Variants in VDR observed in about 807,000 individuals in gnomAD.
VDR encodes the protein vitamin D3 receptor.
VDR carries 19 observed loss-of-function variants against 39.7 expected under a neutral mutation model. The ratio of observed to expected loss-of-function variants is 0.48; its 90% CI spans 0.33 to 0.70. The LOEUF (loss-of-function observed/expected upper bound fraction) is 0.70, where lower values mean the gene tolerates loss of function less well. Among genes scored for constraint, VDR ranks in the 30% least tolerant of loss-of-function variants. The pLI is 0.02. For missense variants in VDR, 442 were observed against 570.5 expected (o/e 0.77, Z 2.29); for synonymous variants, 242 against 215.8 (o/e 1.12, Z -1.07).
chr12:47,866,221 C>T (rs902909429), intron 3 of VDR, among the ~76,000 whole-genome samples: 10 of 151,968 alleles, frequency 6.6e-5, no homozygotes, highest in African/African-American at 2.4e-4. Context: ...CGTTCTCCTG[C>T]CTCAGCCTCC....
intron 6 of VDR, 25 bp downstream of exon 6, chr12:47,857,104 T>C: frequency 1.2e-6 from 2 of 1,613,706 alleles, no homozygotes; most frequent in Non-Finnish European, 1.7e-6. Context: ...TCCCTTACTC[T>C]ATGGAGGACT....
chr12:47,847,280 C>T (rs771494419), intron 7 of VDR, among the ~76,000 whole-genome samples: 1 of 152,118 alleles, frequency 6.6e-6, no homozygotes, highest in Non-Finnish European at 1.5e-5. Flanking sequence ...ATTCCCACTC[C>T]TACCAGGAGT....
rs115915309 is a variant in VDR, at chr12:47,890,621, G to A, written c.-83-7847C>T. ...CTCCTCATTGGTTATGGCTTAGCAC[G>A]GTTCCTCCCCACAAGTCCTTACTAA... On this transcript the variant is annotated intron_variant, in intron 1 of 9. Coordinates refer to ENST00000549336, the MANE Select transcript of VDR (RefSeq NM_000376.3). Among the ~76,000 whole-genome samples, 101 of 152,048 alleles carry A rather than the reference G, an allele frequency of 6.6e-4. 1 individual carries two copies. Among genetic ancestry groups the A allele is most frequent in the African/African-American group, 2.0e-3 (81 of 41,484 alleles).
intron 1 of VDR, among the ~76,000 whole-genome samples, chr12:47,883,359 C>T (rs1946195947): frequency 6.6e-6 from 1 of 152,132 alleles, no homozygotes; most frequent in South Asian, 2.1e-4. Context: ...TCTGTGGAGA[C>T]CGGGTGTAGG....
rs1025532401 is a variant in VDR at position 47,882,789 on chromosome 12, G to A, written c.-83-15C>T. Reference sequence around the variant, plus strand: ...CCCAAAGGCTTCTGAAATGAAGAAGGGGAAACCTTTTATCTAAGGCGGAGC... The same window carrying A: ...CCCAAAGGCTTCTGAAATGAAGAAGAGGAAACCTTTTATCTAAGGCGGAGC... On this transcript the variant is annotated splice_polypyrimidine_tract_variant and intron_variant, in intron 1 of 9. Coordinates refer to ENST00000549336, the MANE Select transcript of VDR (RefSeq NM_000376.3). 5.2e-6 allele frequency: 8 copies of A among 1,533,510 alleles called. No individual in the cohort carries two copies. In the Admixed American group the frequency reaches 1.4e-4, roughly 26 times the overall value. 95.0% of individuals were successfully genotyped at this position (1,533,510 alleles called of 1,614,324 possible). A position where few individuals can be genotyped will look rare whatever the true frequency, so the allele number is the denominator to read the frequency against.
chr12:47,868,765 CTT>C (rs5798048), intron 3 of VDR, among the ~76,000 whole-genome samples: 207 of 144,092 alleles, frequency 1.4e-3, no homozygotes, highest in South Asian at 1.8e-3. Context: ...CTCTCATTTC[CTT>C]TTTTTTTTTT....
intron 3 of VDR, among the ~76,000 whole-genome samples, chr12:47,866,833 T>C (rs1179889616): frequency 6.6e-6 from 1 of 151,102 alleles, no homozygotes; most frequent in Admixed American, 6.6e-5. Flanking sequence ...CTACTAAAAA[T>C]ACAAAAATTA....
intron 4 of VDR, among the ~76,000 whole-genome samples, chr12:47,859,493 G>C (rs972658354): frequency 1.1e-4 from 16 of 152,140 alleles, no homozygotes; most frequent in African/African-American, 3.6e-4. Context: ...CTAGGTGCCC[G>C]TCCAGCTGGG....
intron 1 of VDR, among the ~76,000 whole-genome samples, chr12:47,897,439 A>T (rs1946482630): frequency 6.6e-6 from 1 of 152,188 alleles, no homozygotes. Flanking sequence ...AGCCAAAGTG[A>T]GGCCCAGGGC....
At chr12:47,866,086 A>T (rs1392309184) in intron 3 of VDR, among the ~76,000 whole-genome samples, 1 of 151,192 alleles carries the variant, frequency 6.6e-6, no homozygotes, top group Non-Finnish European at 1.5e-5. Flanking sequence ...AACAGGAAAT[A>T]ACAAAAGTGC....
rs554485249 is a variant in VDR, at chr12:47,848,550, T to C, written c.756-1742A>G. 5.0e-5 allele frequency among the ~76,000 whole-genome samples: 7 copies of C among 139,392 alleles called. 1 individual carries two copies. The South Asian group carries it at 1.6e-3, about 32-fold the overall frequency. 91.4% of individuals were successfully genotyped at this position (139,392 alleles called of 152,430 possible). A position where few individuals can be genotyped will look rare whatever the true frequency, so the allele number is the denominator to read the frequency against. On this transcript the variant is annotated intron_variant, in intron 7 of 9. Coordinates refer to ENST00000549336, the MANE Select transcript of VDR (RefSeq NM_000376.3). Reference sequence around the variant, plus strand: ...TTCTGCTCTTTACATGCTTGTTTTCTACTCCTTTTTTTTTTTTTTTTTTTT... The same window carrying C: ...TTCTGCTCTTTACATGCTTGTTTTCCACTCCTTTTTTTTTTTTTTTTTTTT...
Position 47,846,817 on chromosome 12 carries a change from G to A in VDR, c.756-9C>T, listed in dbSNP as rs1195675438. 14 of 1,614,022 alleles carry A rather than the reference G, an allele frequency of 8.7e-6. No homozygotes were observed. In the Admixed American group the frequency reaches 2.0e-4, roughly 23 times the overall value. ...CCTCAGAGGTGAGGTCTCTGCAGGGGAGGGAGGGAAGGAGGTCAGGTTACC... is the reference window on the plus strand; with the variant it reads ...CCTCAGAGGTGAGGTCTCTGCAGGGAAGGGAGGGAAGGAGGTCAGGTTACC... On this transcript the variant is annotated splice_polypyrimidine_tract_variant and intron_variant, in intron 7 of 9. Coordinates refer to ENST00000549336, the MANE Select transcript of VDR (RefSeq NM_000376.3).
Position 47,882,712 on chromosome 12 carries a change from G to A in VDR, c.-21C>T. 6.5e-7 allele frequency: 1 copy of A among 1,529,712 alleles called. No homozygotes were observed. Among genetic ancestry groups the A allele is most frequent in the East Asian group, 2.5e-5 (1 of 40,390 alleles). The allele number at this position is 1,529,712 out of a possible 1,614,324, so 94.8% of individuals were successfully genotyped here. ...CACCTACCTGAAGGAGCAGGGGGCA[G>A]GTAAGTGGAGCCCAGGGGTGCTCTT... On this transcript the variant is annotated 5_prime_UTR_variant, in exon 2 of 10. Coordinates refer to ENST00000549336, the MANE Select transcript of VDR (RefSeq NM_000376.3).
intron 1 of VDR, among the ~76,000 whole-genome samples, chr12:47,887,581 T>C (rs1946281821): frequency 6.6e-6 from 1 of 152,210 alleles, no homozygotes; most frequent in African/African-American, 2.4e-5. Flanking sequence ...TTGATCATGA[T>C]CCCCACAAGA....
In VDR at chr12:47,855,271, T is replaced by C. The variant is rs552223803; in HGVS notation, c.755+359A>G. On this transcript the variant is annotated intron_variant, in intron 7 of 9. Coordinates refer to ENST00000549336, the MANE Select transcript of VDR (RefSeq NM_000376.3). ...TGAACCCGGGAGGCGGAGGTTATAGTGAGCCAAGATAGTGCCACTGCACTC... is the reference window on the plus strand; with the variant it reads ...TGAACCCGGGAGGCGGAGGTTATAGCGAGCCAAGATAGTGCCACTGCACTC... Among the ~76,000 whole-genome samples the C allele has an allele frequency of 3.4e-4, 52 of 152,062 alleles. 1 individual carries two copies. In the South Asian group the frequency reaches 0.01, roughly 30 times the overall value.
At chr12:47,850,068 C>G (rs769880761) in intron 7 of VDR, among the ~76,000 whole-genome samples, 2 of 152,198 alleles carry the variant, frequency 1.3e-5, no homozygotes, top group Non-Finnish European at 2.9e-5. Context: ...CCAGGCTGCT[C>G]TTGAATCCTG....
intron 3 of VDR, among the ~76,000 whole-genome samples, chr12:47,871,844 G>A (rs947305986): frequency 3.9e-5 from 6 of 152,222 alleles, no homozygotes; most frequent in Non-Finnish European, 5.9e-5. Context: ...ATGCTGAAAT[G>A]GGAATGAGCT....
rs1023071686 is a variant in VDR at position 47,857,590 on chromosome 12, C to T, written c.376G>A (p.Glu126Lys). The T allele has an allele frequency of 3.1e-6, 5 of 1,614,242 alleles. No homozygotes were observed. The highest frequency in any genetic ancestry group is 3.3e-5 in the Admixed American group (2 of 60,032). Residue 126 changes from glutamate (E) to lysine (K), a missense_variant, in exon 5 of 10, where the codon GAG becomes AAG. Coordinates refer to ENST00000549336, the MANE Select transcript of VDR (RefSeq NM_000376.3). ...ATGGCAATGATGCGCTGCTGCTCCTCAGACAGCTTGGGCCGCAGACTGTCC... is the reference window on the plus strand; with the variant it reads ...ATGGCAATGATGCGCTGCTGCTCCTTAGACAGCTTGGGCCGCAGACTGTCC... ...LKDSLRPKLS[E>K]EQQRIIAILL...
Position 47,843,953 on chromosome 12 carries a change from A to T in VDR, c.*793T>A, listed in dbSNP as rs11574125. 917 of 38,468 alleles carry T rather than the reference A, an allele frequency of 0.024. 12 individuals are homozygous for T. Among genetic ancestry groups the T allele is most frequent in the African/African-American group, 0.072 (871 of 12,028 alleles). The allele number at this position is 38,468 out of a possible 1,614,324, so 2.4% of individuals were successfully genotyped here. A position where few individuals can be genotyped will look rare whatever the true frequency, so the allele number is the denominator to read the frequency against. On this transcript the variant is annotated 3_prime_UTR_variant, in exon 10 of 10. Transcript: ENST00000549336. ...CCTGGGCAGGAGGTAAGGCACTGGC[A>T]GGGGGAGGACGAGGTCGGCAGGTGC...
Sources: allele counts gnomAD v4.1 joint callset (sites outside exome capture counted in the v4.1 genomes callset), GRCh38; gene constraint gnomAD v4.1.1; transcripts MANE v1.5; gene names NCBI Gene and HGNC (gene_info 2026-07-23, HGNC 2026-07-21).